SGSM1: variants seen among roughly 807,000 people sequenced by gnomAD.
SGSM1 encodes the protein RUN and TBC1 domain containing 2.
A neutral mutation model predicts 133.8 loss-of-function variants in SGSM1; 73 were observed. That is an observed-to-expected ratio of 0.55 (90% CI 0.45 to 0.66). The LOEUF (loss-of-function observed/expected upper bound fraction) is 0.66. SGSM1 is among the 30% of genes least tolerant of loss of function. The pLI, the probability that SGSM1 is intolerant of heterozygous loss-of-function variation, is 0.00. For missense variants in SGSM1, 1,213 were observed against 1,448.1 expected (o/e 0.84, Z 2.64); for synonymous variants, 563 against 573.0 (o/e 0.98, Z 0.25).
intron 2 of SGSM1, among the ~76,000 whole-genome samples, chr22:24,840,407 G>A (rs990545458): frequency 1.3e-4 from 20 of 152,088 alleles, no homozygotes; most frequent in South Asian, 2.1e-4. Flanking sequence ...GCAATAGTGC[G>A]TTCTCGGCTC....
intron 12 of SGSM1, 25 bp downstream of exon 12, chr22:24,868,880 G>T: frequency 6.2e-7 from 1 of 1,609,898 alleles, no homozygotes; most frequent in East Asian, 2.2e-5. Context: ...CCCGGGCCCC[G>T]GGGAGTCACC....
At chr22:24,827,990 C>A (rs1928895367) in intron 2 of SGSM1, among the ~76,000 whole-genome samples, 2 of 152,048 alleles carry the variant, frequency 1.3e-5, no homozygotes, top group South Asian at 4.2e-4. Flanking sequence ...GGGATAAAAG[C>A]CTCCTGACCA....
intron 2 of SGSM1, among the ~76,000 whole-genome samples, chr22:24,836,073 A>G (rs1435744608): frequency 1.3e-5 from 2 of 152,146 alleles, no homozygotes; most frequent in Non-Finnish European, 2.9e-5. Context: ...TTTTCGAAAG[A>G]TAAACTCTAT....
intron 11 of SGSM1, 90 bp downstream of exon 11, chr22:24,868,629 T>G (rs1028424299): frequency 1.1e-5 from 18 of 1,610,114 alleles, no homozygotes; most frequent in African/African-American, 1.3e-5. Context: ...TGTGGCTATG[T>G]GGCCTCATGC....
At chr22:24,871,205 T>A (rs1931746797) in intron 12 of SGSM1, among the ~76,000 whole-genome samples, 1 of 152,162 alleles carries the variant, frequency 6.6e-6, no homozygotes, top group South Asian at 2.1e-4. Context: ...TTGCCAGGTG[T>A]CCTCTGGAGG....
intron 8 of SGSM1, among the ~76,000 whole-genome samples, chr22:24,858,635 CAAAAAAAAAA>C (rs139699): frequency 0.23 from 19,317 of 83,082 alleles, 2,236 homozygotes; most frequent in African/African-American, 0.42. Context: ...GACTCCATCT[CAAAAAAAAAA>C]AAAAAAAAAA....
rs1337410510 is a variant in SGSM1, at chr22:24,828,771, A to G, written c.64-16126A>G. Among the ~76,000 whole-genome samples, 4 of 152,386 alleles carry G rather than the reference A, an allele frequency of 2.6e-5. No homozygotes were observed. In the South Asian group the frequency reaches 6.2e-4, roughly 24 times the overall value. On this transcript the variant is annotated intron_variant, in intron 2 of 24. Coordinates refer to ENST00000400358, the MANE Select transcript of SGSM1 (RefSeq NM_001098497.3). ...ATCATTCTGTTATAAAGACATATGC[A>G]CGCCAGTGTTCACTGCAGTACTATT...
chr22:24,825,412 CTAAGT>C (rs1195041513), intron 2 of SGSM1, among the ~76,000 whole-genome samples: 2 of 152,006 alleles, frequency 1.3e-5, no homozygotes, highest in African/African-American at 4.8e-5. Context: ...TGCTCACTTA[CTAAGT>C]TATTTTTATT....
intron 23 of SGSM1, among the ~76,000 whole-genome samples, chr22:24,918,185 G>T (rs73157935): frequency 0.035 from 5,291 of 152,220 alleles, 150 homozygotes; most frequent in Middle Eastern, 0.068. Context: ...CTATTGTTCA[G>T]ATTTGGGGTG....
chr22:24,917,998 A>G (rs1177972797), intron 23 of SGSM1, among the ~76,000 whole-genome samples: 1 of 152,158 alleles, frequency 6.6e-6, no homozygotes, highest in Non-Finnish European at 1.5e-5. Context: ...TTAAGTTCAG[A>G]GCTAGGGAGA....
intron 21 of SGSM1, among the ~76,000 whole-genome samples, chr22:24,910,646 T>C (rs988539043): frequency 6.6e-6 from 1 of 150,960 alleles, no homozygotes; most frequent in Non-Finnish European, 1.5e-5. Context: ...ACTCTGTCTC[T>C]AAAATGTAAT....
At chr22:24,855,932 T>C (rs1930756337) in intron 8 of SGSM1, 1 of 665,646 alleles carries the variant, frequency 1.5e-6, no homozygotes, top group Non-Finnish European at 2.7e-6. Context: ...CATCCACCCA[T>C]CTTTACATCC....
chr22:24,857,194 G>T (rs1930845620), intron 8 of SGSM1, among the ~76,000 whole-genome samples: 1 of 149,728 alleles, frequency 6.7e-6, no homozygotes, highest in African/African-American at 2.5e-5. Flanking sequence ...ACAAAGTCAA[G>T]AGTCCAAGAC....
chr22:24,855,955 A>G (rs563473231), intron 8 of SGSM1: 41 of 618,486 alleles, frequency 6.6e-5, no homozygotes, highest in Middle Eastern at 5.1e-4. Context: ...CTATCCAACC[A>G]TCTTTACATT....
intron 2 of SGSM1, among the ~76,000 whole-genome samples, chr22:24,828,319 C>T (rs1928909772): frequency 6.6e-6 from 1 of 151,982 alleles, no homozygotes; most frequent in Admixed American, 6.6e-5. Context: ...AGTTTATACA[C>T]CTTTAAAATG....
intron 2 of SGSM1, among the ~76,000 whole-genome samples, chr22:24,830,056 A>AGTGTGTGG (rs139634): frequency 0.53 from 79,880 of 151,294 alleles, 21,250 homozygotes; most frequent in Admixed American, 0.61. Flanking sequence ...GGTTCGGAGG[A>AGTGTGTGG]GTGTGTGGCC....
chr22:24,832,940 CTT>C (rs376040633), intron 2 of SGSM1, among the ~76,000 whole-genome samples: 3 of 146,814 alleles, frequency 2.0e-5, no homozygotes, highest in East Asian at 2.0e-4. Context: ...TAAATTTCCT[CTT>C]TTTTTTTTTT....
intron 2 of SGSM1, among the ~76,000 whole-genome samples, chr22:24,831,348 G>C (rs964809511): frequency 2.6e-5 from 4 of 152,074 alleles, no homozygotes; most frequent in African/African-American, 9.7e-5. Context: ...TGGCCTGTCT[G>C]AGTTATCCTG....
chr22:24,902,026 G>T, intron 20 of SGSM1, 69 bp downstream of exon 20: 1 of 1,449,280 alleles, frequency 6.9e-7, no homozygotes. Context: ...GATGTAGGGG[G>T]CCCGCCTAGA....
Sources: gnomAD v4.1 joint callset for allele counts (sites outside exome capture counted in the v4.1 genomes callset) on GRCh38, gnomAD v4.1.1 for gene constraint, MANE v1.5 for transcripts, NCBI Gene and HGNC (gene_info 2026-07-23, HGNC 2026-07-21) for gene names.